Variants in SBDS observed in about 807,000 individuals in gnomAD.
SBDS encodes SBDS ribosome maturation factor.
SBDS carries 20 observed loss-of-function variants against 26.4 expected under a neutral mutation model. That is an observed-to-expected ratio of 0.76 (90% CI 0.53 to 1.10). The LOEUF is 1.10. Among genes scored for constraint, SBDS ranks in the 50% least tolerant of loss-of-function variants. SBDS has a pLI of 0.00. For missense variants in SBDS, 241 were observed against 302.0 expected (o/e 0.80, Z 1.50); for synonymous variants, 95 against 105.1 (o/e 0.90, Z 0.59).
At chr7:66,990,851 C>T (rs1792961212) in intron 4 of SBDS, among the ~76,000 whole-genome samples, 1 of 151,950 alleles carries the variant, frequency 6.6e-6, no homozygotes, top group Non-Finnish European at 1.5e-5. Context: ...TCCGTCTCTA[C>T]TAAAAAATAC....
chr7:66,995,546 G>T lies in SBDS; in HGVS notation c.-129C>A. 1.5e-6 allele frequency: 2 copies of T among 1,365,520 alleles called. No homozygotes were observed. The highest frequency in any genetic ancestry group is 2.0e-6 in the Non-Finnish European group (2 of 981,488). 84.6% of individuals were successfully genotyped at this position (1,365,520 alleles called of 1,614,324 possible). On this transcript the variant is annotated 5_prime_UTR_variant, in exon 1 of 5. Coordinates refer to ENST00000246868, the MANE Select transcript of SBDS (RefSeq NM_016038.4). Reference sequence around the variant, plus strand: ...ACTGACCCAACCACCAGTGCGCGGCGCCGCGACTCACTAGCTTCAGGCAGC... The same window carrying T: ...ACTGACCCAACCACCAGTGCGCGGCTCCGCGACTCACTAGCTTCAGGCAGC...
At chr7:66,988,560 G>A (rs1361069665) in intron 4 of SBDS, 61 bp from the exon 5 acceptor site, 1 of 1,593,796 alleles carries the variant, frequency 6.3e-7, no homozygotes, top group East Asian at 2.2e-5. Flanking sequence ...AATAAACTCA[G>A]CTTTAACTTC....
At position 66,988,471 on chromosome 7, in the gene SBDS, C is replaced by T. The variant is rs757497272; in HGVS notation, c.653G>A (p.Arg218Gln). Residue 218 changes from arginine to glutamine, a missense_variant, in exon 5 of 5, where the codon CGA (arginine) becomes CAA (glutamine). Transcript: ENST00000246868. Reference protein sequence around the residue: ...IVCLIDPGCFREIDELIKKET... With the variant: ...IVCLIDPGCFQEIDELIKKET... ...CTTTTTTATTAGCTCATCAATTTCT[C>T]GGAAGCAGCCCGGGTCAATCAGACA... 5 of 1,613,846 alleles carry T rather than the reference C, an allele frequency of 3.1e-6. No individual in the cohort carries two copies. Among genetic ancestry groups the T allele is most frequent in the Non-Finnish European group, 3.4e-6 (4 of 1,180,010 alleles).
At position 66,987,992 on chromosome 7, in the gene SBDS, C is replaced by A; in HGVS notation, c.*379G>T. 1 of 259,044 alleles carries A rather than the reference C, an allele frequency of 3.9e-6. No homozygotes were observed. Among genetic ancestry groups the A allele is most frequent in the Non-Finnish European group, 7.5e-6 (1 of 133,172 alleles). The allele number at this position is 259,044 out of a possible 1,614,324, so 16.0% of individuals were successfully genotyped here. Reference sequence around the variant, plus strand: ...ATATGTTTTCTTTTTTAGGAAAGACCCCCCCTTTTGTTGTATAGACATACC... The same window carrying A: ...ATATGTTTTCTTTTTTAGGAAAGACACCCCCTTTTGTTGTATAGACATACC... On this transcript the variant is annotated 3_prime_UTR_variant, in exon 5 of 5. Transcript: ENST00000246868.
chr7:66,994,531 T>G lies in SBDS; in HGVS notation c.129-190A>C, dbSNP rs111466310. Among the ~76,000 whole-genome samples, 1,163 of 150,482 alleles carry G rather than the reference T, an allele frequency of 7.7e-3. 6 individuals are homozygous for G. Among genetic ancestry groups the G allele is most frequent in the Middle Eastern group, 0.029 (8 of 280 alleles). ...CGCCCCTAGATGGAATTTCACTGTTTTTGCCCAGGCTGGAGTGCAATGGCG... is the reference window on the plus strand; with the variant it reads ...CGCCCCTAGATGGAATTTCACTGTTGTTGCCCAGGCTGGAGTGCAATGGCG... On this transcript the variant is annotated intron_variant, in intron 1 of 4. Transcript: ENST00000246868.
At chr7:66,990,934 G>A (rs533387129) in intron 4 of SBDS, 212 of 449,616 alleles carry the variant, frequency 4.7e-4, no homozygotes, top group Middle Eastern at 6.6e-4. Context: ...GGAGAATGGC[G>A]TGTACCCGGG....
rs977834151 is a variant in SBDS, at chr7:66,994,445, C to CAAATCCA, written c.129-105_129-104insTGGATTT. 4 of 1,041,012 alleles carry CAAATCCA rather than the reference C, an allele frequency of 3.8e-6. No homozygotes were observed. In the African/African-American group the frequency reaches 6.3e-5, roughly 16 times the overall value. 64.5% of individuals were successfully genotyped at this position (1,041,012 alleles called of 1,614,324 possible). ...CAACAACATGAACGGCAAGACACAA[C>CAAATCCA]AAATCCCCCTGATGACCTTTAGTGT... On this transcript the variant is annotated intron_variant, in intron 1 of 4. Coordinates refer to ENST00000246868, the MANE Select transcript of SBDS (RefSeq NM_016038.4).
In SBDS at chr7:66,988,027, C is replaced by G; in HGVS notation, c.*344G>C. On this transcript the variant is annotated 3_prime_UTR_variant, in exon 5 of 5. Coordinates refer to ENST00000246868, the MANE Select transcript of SBDS (RefSeq NM_016038.4). ...GTTGTATAGACATACCCCTAATAATCTTACTCTACTGTACAAATAACTTTT... is the reference window on the plus strand; with the variant it reads ...GTTGTATAGACATACCCCTAATAATGTTACTCTACTGTACAAATAACTTTT... The G allele has an allele frequency of 2.6e-6, 1 of 380,804 alleles. No individual in the cohort carries two copies. The highest frequency in any genetic ancestry group is 2.8e-5 in the South Asian group (1 of 35,324). 23.6% of individuals were successfully genotyped at this position (380,804 alleles called of 1,614,324 possible).
Position 66,989,470 on chromosome 7 carries a change from G to A in SBDS, c.625-971C>T, listed in dbSNP as rs1312297074. ...TGAGGCAGGAGAATCGCTTGAACCCGGGAGGCAGAGGTTGCAGTGAGCTGA... is the reference window on the plus strand; with the variant it reads ...TGAGGCAGGAGAATCGCTTGAACCCAGGAGGCAGAGGTTGCAGTGAGCTGA... On this transcript the variant is annotated intron_variant, in intron 4 of 4. Transcript: ENST00000246868. 5.3e-5 allele frequency among the ~76,000 whole-genome samples: 8 copies of A among 152,056 alleles called. 1 individual carries two copies. The highest frequency in any genetic ancestry group is 2.1e-4 in the South Asian group (1 of 4,810).
chr7:66,991,967 A>T (rs1219363361), intron 3 of SBDS, among the ~76,000 whole-genome samples: 16 of 152,338 alleles, frequency 1.1e-4, no homozygotes, highest in Admixed American at 5.2e-4. Flanking sequence ...ATGGTGGTAA[A>T]GTAAAATGGT....
At chr7:66,992,263 T>C (rs1792990278) in intron 3 of SBDS, among the ~76,000 whole-genome samples, 1 of 152,040 alleles carries the variant, frequency 6.6e-6, no homozygotes, top group South Asian at 2.1e-4. Flanking sequence ...ATATGAAATG[T>C]CCAGAATTGA....
chr7:66,995,499 T>G lies in SBDS; in HGVS notation c.-82A>C, dbSNP rs11557406. ...CCTGAAGGCCACCAGCGCCTCGCGGTAACGACCGATCGGCGCGCGGCACTG... is the reference window on the plus strand; with the variant it reads ...CCTGAAGGCCACCAGCGCCTCGCGGGAACGACCGATCGGCGCGCGGCACTG... On this transcript the variant is annotated 5_prime_UTR_variant, in exon 1 of 5. Coordinates refer to ENST00000246868, the MANE Select transcript of SBDS (RefSeq NM_016038.4). The G allele has an allele frequency of 6.2e-7, 1 of 1,603,804 alleles. No homozygotes were observed. Among genetic ancestry groups the G allele is most frequent in the Non-Finnish European group, 8.5e-7 (1 of 1,173,842 alleles).
At chr7:66,989,267 A>T (rs201066899) in intron 4 of SBDS, among the ~76,000 whole-genome samples, 2 of 149,522 alleles carry the variant, frequency 1.3e-5, no homozygotes, top group East Asian at 2.1e-4. Flanking sequence ...AGCTGCAGAC[A>T]GGGCGCGGTG....
Position 66,988,400 on chromosome 7 carries a change from C to A in SBDS, c.724G>T (p.Val242Leu). ...TCAAATTTCTCATCTCCTTCTTCTA[C>A]ATCTTTCAGATTGAGTACTTCCAAA... ...GSLEVLNLKD[V>L]EEGDEKFE The change falls in exon 5 of 5, where the codon GTA becomes TTA. Residue 242 changes from valine (V) to leucine (L), a missense_variant. Transcript: ENST00000246868. 1 of 1,613,768 alleles carries A rather than the reference C, an allele frequency of 6.2e-7. No individual in the cohort carries two copies. The highest frequency in any genetic ancestry group is 8.5e-7 in the Non-Finnish European group (1 of 1,179,996).
chr7:66,990,197 T>C (rs1451037828), intron 4 of SBDS, among the ~76,000 whole-genome samples: 2 of 152,182 alleles, frequency 1.3e-5, no homozygotes, highest in Admixed American at 1.3e-4. Flanking sequence ...TTTGTATTTT[T>C]AGTAGAGACA....
chr7:66,993,574 A>G (rs529239511), intron 2 of SBDS, among the ~76,000 whole-genome samples, 157 bp from the exon 3 acceptor site: 1 of 152,246 alleles, frequency 6.6e-6, no homozygotes, highest in South Asian at 2.1e-4. Context: ...CTTTGCCCAA[A>G]AGATGCAAGA....
intron 3 of SBDS, among the ~76,000 whole-genome samples, chr7:66,992,467 A>G (rs1467650961): frequency 6.6e-6 from 1 of 152,194 alleles, no homozygotes; most frequent in African/African-American, 2.4e-5. Flanking sequence ...AATTTATGGT[A>G]TGTGAATTAT....
Position 66,987,952 on chromosome 7 carries a change from T to C in SBDS, c.*419A>G. ...CCCTCAGAACACAAGTTCCATTAAG[T>C]AGAAATGAAGCATCATATGTTTTCT... On this transcript the variant is annotated 3_prime_UTR_variant, in exon 5 of 5. Coordinates refer to ENST00000246868, the MANE Select transcript of SBDS (RefSeq NM_016038.4). 4.0e-6 allele frequency: 1 copy of C among 249,358 alleles called. No homozygotes were observed. Among genetic ancestry groups the C allele is most frequent in the Non-Finnish European group, 7.9e-6 (1 of 126,634 alleles). The allele number at this position is 249,358 out of a possible 1,614,324, so 15.4% of individuals were successfully genotyped here. A position where few individuals can be genotyped will look rare whatever the true frequency, so the allele number is the denominator to read the frequency against.
rs1286378734 is a variant in SBDS at position 66,995,443 on chromosome 7, C to T, written c.-26G>A. The T allele has an allele frequency of 1.2e-6, 2 of 1,612,890 alleles. No individual in the cohort carries two copies. Among genetic ancestry groups the T allele is most frequent in the Admixed American group, 1.7e-5 (1 of 60,028 alleles). ...CGCGGCTGTTCAAAGACCCAGAAGC[C>T]GGCGAACCAGGGCTGACCCGCGCCG... On this transcript the variant is annotated 5_prime_UTR_variant, in exon 1 of 5. Transcript: ENST00000246868.
Sources: allele counts gnomAD v4.1 joint callset (sites outside exome capture counted in the v4.1 genomes callset), GRCh38; gene constraint gnomAD v4.1.1; transcripts MANE v1.5; gene names NCBI Gene and HGNC (gene_info 2026-07-23, HGNC 2026-07-21).